DOCK10: variants seen among roughly 807,000 people sequenced by gnomAD.
DOCK10 encodes dedicator of cytokinesis 10.
In DOCK10, 145 loss-of-function variants were observed where a neutral mutation model predicts 280.1. That is an observed-to-expected ratio of 0.52 (90% confidence interval 0.45 to 0.59). The LOEUF is 0.59. Among genes scored for constraint, DOCK10 ranks in the 20% least tolerant of loss-of-function variants. The probability of loss-of-function intolerance (pLI) is 0.00; values close to 1 mark genes in which losing one functional copy is unlikely to be tolerated. For missense variants in DOCK10, 2,368 were observed against 2,651.7 expected (o/e 0.89, Z 2.35); for synonymous variants, 915 against 942.2 (o/e 0.97, Z 0.53).
At chr2:224,778,093 C>G in intron 51 of DOCK10, 45 bp downstream of exon 51, 1 of 1,570,426 alleles carries the variant, frequency 6.4e-7, no homozygotes, top group South Asian at 1.1e-5. Context: ...GAATAAAAAA[C>G]TCAGTCAATT....
intron 1 of DOCK10, among the ~76,000 whole-genome samples, chr2:224,983,018 T>C (rs1273169847): frequency 6.6e-6 from 1 of 152,182 alleles, no homozygotes; most frequent in Non-Finnish European, 1.5e-5. Flanking sequence ...TTCCTCTCAA[T>C]AGTATGGTTG....
chr2:224,826,750 T>TCTAG (rs1574891185), intron 27 of DOCK10, among the ~76,000 whole-genome samples: 1 of 134,330 alleles, frequency 7.4e-6, no homozygotes, highest in East Asian at 2.0e-4. Context: ...TATCTATCTA[T>TCTAG]CTATCTATCT....
intron 1 of DOCK10, among the ~76,000 whole-genome samples, chr2:224,974,923 A>C (rs748237530): frequency 3.5e-4 from 47 of 136,124 alleles, no homozygotes; most frequent in Non-Finnish European, 6.3e-4. Flanking sequence ...ATATAGTTGA[A>C]TTTGCTTTGT....
At chr2:224,797,332 T>A (rs114013800) in intron 42 of DOCK10, among the ~76,000 whole-genome samples, 186 bp from the exon 43 acceptor site, 1,545 of 152,170 alleles carry the variant, frequency 0.01, 24 homozygotes, top group African/African-American at 0.035. Flanking sequence ...CATTTGTCTT[T>A]TTTCCTAGAT....
At chr2:224,977,340 T>C (rs1705498993) in intron 1 of DOCK10, among the ~76,000 whole-genome samples, 1 of 152,202 alleles carries the variant, frequency 6.6e-6, no homozygotes, top group African/African-American at 2.4e-5. Context: ...ACTAGTAGCC[T>C]GACCAACACT....
At chr2:224,897,498 TATTC>T (rs1314315112) in intron 3 of DOCK10, among the ~76,000 whole-genome samples, 1 of 152,122 alleles carries the variant, frequency 6.6e-6, no homozygotes, top group Non-Finnish European at 1.5e-5. Context: ...TAGTAGGCCT[TATTC>T]ATTCATTCTA....
At chr2:224,948,328 G>A (rs1703542087) in intron 1 of DOCK10, among the ~76,000 whole-genome samples, 1 of 152,176 alleles carries the variant, frequency 6.6e-6, no homozygotes, top group African/African-American at 2.4e-5. Context: ...TGACAGCTGG[G>A]GAGATAAATT....
intron 26 of DOCK10, among the ~76,000 whole-genome samples, chr2:224,831,132 A>T (rs1208162790): frequency 6.6e-6 from 1 of 151,850 alleles, no homozygotes; most frequent in Non-Finnish European, 1.5e-5. Flanking sequence ...ACAGGGTTTT[A>T]CCATGGTGCC....
chr2:224,793,172 G>A, intron 46 of DOCK10, 100 bp from the exon 47 acceptor site: 4 of 966,916 alleles, frequency 4.1e-6, no homozygotes, highest in Non-Finnish European at 6.3e-6. Context: ...TTCTCGTTTT[G>A]AACTAAGAAG....
chr2:224,864,167 T>A (rs1378936651), intron 13 of DOCK10, among the ~76,000 whole-genome samples: 1 of 152,192 alleles, frequency 6.6e-6, no homozygotes, highest in Non-Finnish European at 1.5e-5. Context: ...TTTCAAGACA[T>A]ACAAATTTGA....
chr2:224,780,968 T>C (rs1271556608), intron 50 of DOCK10, among the ~76,000 whole-genome samples: 1 of 151,968 alleles, frequency 6.6e-6, no homozygotes, highest in African/African-American at 2.4e-5. Flanking sequence ...CTCCTTGGGC[T>C]GTGGGATGGG....
intron 3 of DOCK10, among the ~76,000 whole-genome samples, chr2:224,902,197 T>C (rs1700338258): frequency 6.6e-6 from 1 of 152,252 alleles, no homozygotes; most frequent in Non-Finnish European, 1.5e-5. Flanking sequence ...GGTTTGGCAA[T>C]GCAATTTGTT....
intron 12 of DOCK10, 37 bp from the exon 13 acceptor site, chr2:224,864,712 A>G: frequency 6.3e-7 from 1 of 1,592,298 alleles, no homozygotes; most frequent in East Asian, 2.2e-5. Context: ...GCATGGAAGA[A>G]ACCACATTGT....
At chr2:224,954,403 T>C (rs1203794703) in intron 1 of DOCK10, among the ~76,000 whole-genome samples, 1 of 152,168 alleles carries the variant, frequency 6.6e-6, no homozygotes, top group Non-Finnish European at 1.5e-5. Context: ...GATTTTAGGG[T>C]TTATTATTTT....
intron 1 of DOCK10, among the ~76,000 whole-genome samples, chr2:225,016,424 C>T (rs1301136296): frequency 6.6e-6 from 1 of 151,322 alleles, no homozygotes; most frequent in Admixed American, 6.6e-5. Context: ...AGGCAAGTAT[C>T]TTATTAAAAA....
At chr2:224,866,663 G>T (rs1335801143) in intron 11 of DOCK10, among the ~76,000 whole-genome samples, 1 of 152,072 alleles carries the variant, frequency 6.6e-6, no homozygotes, top group African/African-American at 2.4e-5. Context: ...GTATTAGCTA[G>T]TATTCCATCA....
chr2:224,871,208 T>C (rs1461936377), intron 11 of DOCK10, among the ~76,000 whole-genome samples: 2 of 152,184 alleles, frequency 1.3e-5, no homozygotes, highest in Non-Finnish European at 2.9e-5. Context: ...ATGTTCATAA[T>C]GGTATTTTTG....
At chr2:225,018,930 T>C (rs1689706117) in intron 1 of DOCK10, among the ~76,000 whole-genome samples, 1 of 126,920 alleles carries the variant, frequency 7.9e-6, no homozygotes, top group African/African-American at 3.1e-5. Flanking sequence ...TGTATATAGT[T>C]ATATATGTGT....
chr2:224,823,275 C>T (rs556658185), intron 28 of DOCK10, among the ~76,000 whole-genome samples: 2 of 152,054 alleles, frequency 1.3e-5, no homozygotes, highest in South Asian at 2.1e-4. Context: ...CATAAGCCAT[C>T]GCGCCCGGCC....
Sources: allele counts gnomAD v4.1 joint callset (sites outside exome capture counted in the v4.1 genomes callset), GRCh38; gene constraint gnomAD v4.1.1; transcripts MANE v1.5; gene names NCBI Gene and HGNC (gene_info 2026-07-23, HGNC 2026-07-21).